EPB41L3: variants seen among roughly 807,000 people sequenced by gnomAD.
EPB41L3 encodes band 4.1-like protein 3.
EPB41L3 carries 57 observed loss-of-function variants against 127.1 expected under a neutral mutation model. The ratio of observed to expected loss-of-function variants is 0.45; its 90% CI spans 0.36 to 0.56. EPB41L3 has a LOEUF of 0.56. Ranked by LOEUF, EPB41L3 falls within the 20% of genes least tolerant of loss-of-function variation. The pLI is 0.00. For synonymous variants in EPB41L3, 572 were observed against 549.5 expected (o/e 1.04, Z -0.57); for missense variants, 1,273 against 1,372.2 (o/e 0.93, Z 1.14).
intron 1 of EPB41L3, among the ~76,000 whole-genome samples, chr18:5,491,012 A>G (rs184914978): frequency 3.3e-5 from 5 of 152,320 alleles, no homozygotes; most frequent in Admixed American, 2.0e-4. Flanking sequence ...CATTTTCTTC[A>G]TCTTCTTTTG....
chr18:5,483,150 G>A (rs886880279), intron 2 of EPB41L3, among the ~76,000 whole-genome samples: 25 of 152,138 alleles, frequency 1.6e-4, no homozygotes, highest in African/African-American at 5.3e-4. Flanking sequence ...AATGTAATGG[G>A]GATGGAGTTA....
intron 1 of EPB41L3, among the ~76,000 whole-genome samples, chr18:5,523,938 CTA>C (rs1332730432): frequency 2.0e-5 from 3 of 151,638 alleles, no homozygotes; most frequent in Non-Finnish European, 4.4e-5. Context: ...ATTTAAATGA[CTA>C]TATATATATG....
Position 5,415,873 on chromosome 18 carries a change from G to T in EPB41L3, c.2012C>A (p.Ala671Glu). 1.9e-6 allele frequency: 3 copies of T among 1,613,700 alleles called. No homozygotes were observed. The highest frequency in any genetic ancestry group is 2.5e-6 in the Non-Finnish European group (3 of 1,179,944). Residue 671 changes from alanine (A) to glutamate (E), a missense_variant, in exon 13 of 23, where the codon GCG becomes GAG. Transcript: ENST00000341928. ...GTCTAGGGAGGCGCTCAAGGAGGCC[G>T]CCTTGGGCTCCAGGTAGCAGAGGCA... ...ALCLCYLEPK[A>E]ASLSASLDND...
At chr18:5,506,138 T>C (rs2092181570) in intron 1 of EPB41L3, among the ~76,000 whole-genome samples, 1 of 152,038 alleles carries the variant, frequency 6.6e-6, no homozygotes, top group Admixed American at 6.5e-5. Context: ...GCTTGCCCAG[T>C]TACTCCAGTG....
chr18:5,580,435 T>C (rs541804122), intron 3 of EPB41L3, among the ~76,000 whole-genome samples: 3 of 152,248 alleles, frequency 2.0e-5, no homozygotes, highest in East Asian at 1.9e-4. Context: ...TACATGTATA[T>C]AGACACACAT....
chr18:5,573,263 G>A (rs1027355981), intron 3 of EPB41L3, among the ~76,000 whole-genome samples: 2 of 152,122 alleles, frequency 1.3e-5, no homozygotes, highest in Admixed American at 6.5e-5. Flanking sequence ...ACACACAGAC[G>A]CAATTCAAAG....
At chr18:5,456,806 C>T (rs180989050) in intron 3 of EPB41L3, among the ~76,000 whole-genome samples, 26 of 152,344 alleles carry the variant, frequency 1.7e-4, no homozygotes, top group African/African-American at 5.8e-4. Context: ...TTTGCCCAGC[C>T]GTTCCCACTC....
intron 3 of EPB41L3, among the ~76,000 whole-genome samples, chr18:5,575,215 T>C (rs2094325535): frequency 1.3e-5 from 2 of 152,196 alleles, no homozygotes; most frequent in Non-Finnish European, 2.9e-5. Context: ...TTGGTCTTAA[T>C]ATCCTTACCT....
intron 1 of EPB41L3, among the ~76,000 whole-genome samples, chr18:5,500,072 C>T (rs2091599379): frequency 6.6e-6 from 1 of 151,962 alleles, no homozygotes; most frequent in Non-Finnish European, 1.5e-5. Context: ...ACAGACTGAG[C>T]CTACATTTTA....
chr18:5,415,070 T>C (rs1282194171), intron 13 of EPB41L3, among the ~76,000 whole-genome samples: 2 of 152,244 alleles, frequency 1.3e-5, no homozygotes. Flanking sequence ...TGCATTGGCA[T>C]TGCTAGCATG....
chr18:5,520,847 G>A (rs1411412390), intron 1 of EPB41L3, among the ~76,000 whole-genome samples: 2 of 152,064 alleles, frequency 1.3e-5, no homozygotes, highest in East Asian at 3.9e-4. Flanking sequence ...CTTCCAAAGG[G>A]CCTTTCAGTT....
intron 14 of EPB41L3, 117 bp from the exon 15 acceptor site, chr18:5,407,853 G>A: frequency 1.2e-6 from 1 of 835,200 alleles, no homozygotes; most frequent in Non-Finnish European, 2.0e-6. Context: ...TCTTGCATAT[G>A]GATGCCACTT....
At chr18:5,597,180 C>T (rs147914316) in intron 3 of EPB41L3, among the ~76,000 whole-genome samples, 1 of 152,210 alleles carries the variant, frequency 6.6e-6, no homozygotes, top group Non-Finnish European at 1.5e-5. Flanking sequence ...CCTAATCTCC[C>T]CCTCATGCCA....
chr18:5,424,763 AAT>A (rs2077928365), intron 9 of EPB41L3, among the ~76,000 whole-genome samples: 1 of 152,216 alleles, frequency 6.6e-6, no homozygotes, highest in East Asian at 1.9e-4. Context: ...AATGTTTACA[AAT>A]ATAGTCTACA....
chr18:5,471,290 T>G (rs2086100266), intron 3 of EPB41L3, among the ~76,000 whole-genome samples: 1 of 152,142 alleles, frequency 6.6e-6, no homozygotes, highest in Admixed American at 6.5e-5. Flanking sequence ...AAGGTGTCAG[T>G]GGCAATTCTG....
Position 5,395,613 on chromosome 18 carries a change from G to A in EPB41L3, c.3068C>T (p.Thr1023Ile). 1 of 1,613,720 alleles carries A rather than the reference G, an allele frequency of 6.2e-7. No individual in the cohort carries two copies. The highest frequency in any genetic ancestry group is 2.2e-5 in the East Asian group (1 of 44,870). The change falls in exon 20 of 23, where the codon ACC (threonine) becomes ATC (isoleucine). Residue 1023 changes from threonine (T) to isoleucine (I), a missense_variant. Coordinates refer to ENST00000341928, the MANE Select transcript of EPB41L3 (RefSeq NM_012307.5). ...CTCGGTTCTCACTCCACTTACTTTG[G>A]TGATGTGCGTAGTGGTGGTGGTACT... is the stretch of plus-strand genomic sequence containing the variant. ...TTSTTTTTHI[T>I]KTVKGGISET...
intron 3 of EPB41L3, among the ~76,000 whole-genome samples, chr18:5,465,790 T>C (rs1199395434): frequency 6.6e-6 from 1 of 152,154 alleles, no homozygotes; most frequent in Non-Finnish European, 1.5e-5. Context: ...CAAAAATCAA[T>C]TCTTTATGGA....
chr18:5,439,594 A>G (rs1366761023), intron 5 of EPB41L3, among the ~76,000 whole-genome samples: 1 of 152,218 alleles, frequency 6.6e-6, no homozygotes, highest in African/African-American at 2.4e-5. Context: ...TAAAGGATTT[A>G]CCATAGGACC....
At chr18:5,445,083 T>TCTGG in intron 4 of EPB41L3, 57 bp downstream of exon 4, 1 of 1,319,406 alleles carries the variant, frequency 7.6e-7, no homozygotes, top group Non-Finnish European at 1.1e-6. Flanking sequence ...CAGTTCACTT[T>TCTGG]CTGGCAGTAA....
Sources: gnomAD v4.1 joint callset for allele counts (sites outside exome capture counted in the v4.1 genomes callset) on GRCh38, gnomAD v4.1.1 for gene constraint, MANE v1.5 for transcripts, NCBI Gene and HGNC (gene_info 2026-07-23, HGNC 2026-07-21) for gene names.